PARP8: variants seen among roughly 807,000 people sequenced by gnomAD.
The protein encoded by PARP8 is protein mono-ADP-ribosyltransferase PARP8.
Under a neutral mutation model 124.1 loss-of-function variants are expected in PARP8, and 51 were observed. The ratio of observed to expected loss-of-function variants is 0.41; its 90% CI spans 0.33 to 0.52. PARP8 has a LOEUF of 0.52. PARP8 is among the 20% of genes least tolerant of loss of function. PARP8 has a pLI of 0.21. For synonymous variants in PARP8, 391 were observed against 361.5 expected, an observed-to-expected ratio of 1.08 and a Z score of -0.93; for missense variants, 860 against 1,018.9, an observed-to-expected ratio of 0.84 and a Z score of 2.12.
intron 1 of PARP8, chr5:50,667,656 G>A (rs1002386388): frequency 1.4e-4 from 99 of 699,400 alleles, no homozygotes; most frequent in Non-Finnish European, 2.3e-4. Flanking sequence ...GCCCATCTCC[G>A]GCCCCTTCGG....
chr5:50,713,520 C>A (rs564054794), intron 2 of PARP8, among the ~76,000 whole-genome samples: 1 of 152,000 alleles, frequency 6.6e-6, no homozygotes, highest in Non-Finnish European at 1.5e-5. Flanking sequence ...GGATTACAGG[C>A]GTGAACCATC....
Position 50,770,912 on chromosome 5 carries a change from C to T in PARP8, c.519-7157C>T, listed in dbSNP as rs76895183. Among the ~76,000 whole-genome samples, 1,138 of 151,934 alleles carry T rather than the reference C, an allele frequency of 7.5e-3. 13 individuals are homozygous for T. Among genetic ancestry groups the T allele is most frequent in the African/African-American group, 0.026 (1,067 of 41,450 alleles). On this transcript the variant is annotated intron_variant, in intron 7 of 25. Transcript: ENST00000281631. Reference sequence around the variant, plus strand: ...GTCATACTTTCTGTATACTTTCATACCGAAATTTGCACATAATCTTATCCT... The same window carrying T: ...GTCATACTTTCTGTATACTTTCATATCGAAATTTGCACATAATCTTATCCT...
At chr5:50,705,216 G>T (rs1580022009) in intron 2 of PARP8, among the ~76,000 whole-genome samples, 1 of 152,120 alleles carries the variant, frequency 6.6e-6, no homozygotes, top group Non-Finnish European at 1.5e-5. Flanking sequence ...AAGATAAAAA[G>T]AACATGTTAA....
chr5:50,686,781 G>A (rs1751911546), intron 2 of PARP8, among the ~76,000 whole-genome samples: 1 of 152,200 alleles, frequency 6.6e-6, no homozygotes, highest in Non-Finnish European at 1.5e-5. Flanking sequence ...ACCCTCTGAA[G>A]CAACAGCCTG....
intron 2 of PARP8, among the ~76,000 whole-genome samples, chr5:50,737,513 C>G (rs1400403047): frequency 6.6e-6 from 1 of 152,086 alleles, no homozygotes; most frequent in African/African-American, 2.4e-5. Flanking sequence ...CCATAAAATT[C>G]AGAATTAAAT....
chr5:50,726,499 A>G (rs1756445309), intron 2 of PARP8, among the ~76,000 whole-genome samples: 1 of 152,176 alleles, frequency 6.6e-6, no homozygotes, highest in Non-Finnish European at 1.5e-5. Flanking sequence ...GATTAGCATC[A>G]CTAACCACTG....
chr5:50,801,374 C>T (rs948998688), intron 14 of PARP8, among the ~76,000 whole-genome samples: 1 of 152,196 alleles, frequency 6.6e-6, no homozygotes, highest in African/African-American at 2.4e-5. Flanking sequence ...GATGGGATTA[C>T]AGGCGTGAGC....
intron 14 of PARP8, among the ~76,000 whole-genome samples, chr5:50,813,094 A>G (rs1561417853): frequency 6.6e-6 from 1 of 152,172 alleles, no homozygotes; most frequent in Non-Finnish European, 1.5e-5. Context: ...TTGGTTCCAT[A>G]TGAACTTTAA....
Position 50,815,485 on chromosome 5 carries a change from A to G in PARP8, c.1629A>G (p.Val543=), listed in dbSNP as rs762452199. ...LCVFAFQTLG[V]MNEAADEIAT... The stretch of plus-strand genomic sequence containing the variant: ...TGTTTGCTTTTCAAACCCTGGGAGT[A>G]ATGAATGAAGCTGCTGATGAAATAG... The change falls in exon 15 of 26, where the codon GTA becomes GTG. Residue 543 remains valine (V), a synonymous_variant. Transcript: ENST00000281631. 2 of 1,599,022 alleles carry G rather than the reference A, an allele frequency of 1.3e-6. No homozygotes were observed. Among genetic ancestry groups the G allele is most frequent in the Non-Finnish European group, 8.5e-7 (1 of 1,173,390 alleles).
chr5:50,737,005 G>A (rs982318739), intron 2 of PARP8, among the ~76,000 whole-genome samples: 1 of 152,124 alleles, frequency 6.6e-6, no homozygotes, highest in African/African-American at 2.4e-5. Flanking sequence ...GTGCTTTCTT[G>A]AGGCTAGAAA....
chr5:50,838,868 T>C (rs1044187619), intron 25 of PARP8, among the ~76,000 whole-genome samples: 4 of 152,050 alleles, frequency 2.6e-5, no homozygotes, highest in African/African-American at 7.2e-5. Context: ...ATTAGCCTAT[T>C]TTTCAAGGCT....
chr5:50,694,964 A>G (rs1752868361), intron 2 of PARP8, among the ~76,000 whole-genome samples: 1 of 152,170 alleles, frequency 6.6e-6, no homozygotes. Flanking sequence ...CACAGGAGAA[A>G]GATGAAGGCT....
chr5:50,672,391 A>G (rs1411484058), intron 2 of PARP8, among the ~76,000 whole-genome samples: 1 of 152,214 alleles, frequency 6.6e-6, no homozygotes, highest in African/African-American at 2.4e-5. Context: ...AATGAATGCT[A>G]AAAGACCTGG....
intron 2 of PARP8, among the ~76,000 whole-genome samples, chr5:50,737,213 G>A (rs1757557135): frequency 6.6e-6 from 1 of 152,038 alleles, no homozygotes; most frequent in Non-Finnish European, 1.5e-5. Context: ...GGGTGTGTAG[G>A]CATTTATTCC....
chr5:50,677,500 C>G (rs1438859711), intron 2 of PARP8, among the ~76,000 whole-genome samples: 1 of 152,024 alleles, frequency 6.6e-6, no homozygotes, highest in Non-Finnish European at 1.5e-5. Flanking sequence ...AGCAGTCCAT[C>G]GTTATGGGAA....
At position 50,842,319 on chromosome 5, in the gene PARP8, A is replaced by G; in HGVS notation, c.*251A>G. 1 of 307,164 alleles carries G rather than the reference A, an allele frequency of 3.3e-6. No homozygotes were observed. The allele number at this position is 307,164 out of a possible 1,614,324, so 19.0% of individuals were successfully genotyped here. On this transcript the variant is annotated 3_prime_UTR_variant, in exon 26 of 26. Coordinates refer to ENST00000281631, the MANE Select transcript of PARP8 (RefSeq NM_024615.4). ...ACTTAAACTGAAGTTTGGGTTGCTC[A>G]TACAATAAACAGATTGAAAAAACTG...
intron 7 of PARP8, among the ~76,000 whole-genome samples, chr5:50,770,334 A>C (rs1295570565): frequency 6.6e-6 from 1 of 152,160 alleles, no homozygotes; most frequent in East Asian, 1.9e-4. Flanking sequence ...CTGAAACTTT[A>C]CTTGAACATC....
rs181545977 is a variant in PARP8, at chr5:50,816,778, G to T, written c.1668+1254G>T. ...ATCCCTATAACTAAGAAAATAGCTA[G>T]CCTATACTTAGAGGGTTACTAAAAT... On this transcript the variant is annotated intron_variant, in intron 15 of 25. Transcript: ENST00000281631. Among the ~76,000 whole-genome samples, 57 of 152,120 alleles carry T rather than the reference G, an allele frequency of 3.7e-4. 1 individual carries two copies. The highest frequency in any genetic ancestry group is 3.3e-3 in the Admixed American group (51 of 15,268).
intron 2 of PARP8, among the ~76,000 whole-genome samples, chr5:50,731,418 G>A (rs903019594): frequency 2.6e-5 from 4 of 152,166 alleles, no homozygotes; most frequent in African/African-American, 7.2e-5. Context: ...GAAATTCATA[G>A]CAGTGTGCAT....
Sources: allele counts gnomAD v4.1 joint callset (sites outside exome capture counted in the v4.1 genomes callset), GRCh38; gene constraint gnomAD v4.1.1; transcripts MANE v1.5; gene names NCBI Gene and HGNC (gene_info 2026-07-23, HGNC 2026-07-21).